Variants in MARCHF4 observed in about 807,000 individuals in gnomAD.
MARCHF4 encodes the protein membrane associated ring-CH-type finger 4.
A neutral mutation model predicts 43.9 loss-of-function variants in MARCHF4; 14 were observed. The observed-to-expected ratio is 0.32, with a 90% confidence interval of 0.21 to 0.50. The LOEUF is 0.50. Among genes scored for constraint, MARCHF4 ranks in the 20% least tolerant of loss-of-function variants. The pLI is 0.98. For synonymous variants in MARCHF4, 226 were observed against 213.3 expected, an observed-to-expected ratio of 1.06 and a Z score of -0.52; for missense variants, 468 against 536.7, an observed-to-expected ratio of 0.87 and a Z score of 1.27.
At chr2:216,271,861 A>G (rs187528654) in intron 3 of MARCHF4, among the ~76,000 whole-genome samples, 2 of 151,754 alleles carry the variant, frequency 1.3e-5, no homozygotes, top group East Asian at 3.9e-4. Context: ...CACCATCATA[A>G]CTCACTGCAG....
intron 1 of MARCHF4, among the ~76,000 whole-genome samples, chr2:216,297,668 C>T (rs972656624): frequency 1.3e-5 from 2 of 152,174 alleles, no homozygotes; most frequent in African/African-American, 2.4e-5. Flanking sequence ...CATGTGCCAC[C>T]ACACCCGCCT....
intron 1 of MARCHF4, among the ~76,000 whole-genome samples, chr2:216,335,833 C>T (rs376916918): frequency 5.9e-5 from 9 of 151,902 alleles, no homozygotes. Context: ...TTTGGGAAGC[C>T]GAGGCAGGTG....
intron 1 of MARCHF4, among the ~76,000 whole-genome samples, chr2:216,335,733 C>T (rs181296161): frequency 9.3e-4 from 141 of 152,128 alleles, no homozygotes; most frequent in African/African-American, 3.2e-3. Context: ...ATATGACAGA[C>T]ATTAATGATC....
At chr2:216,357,320 C>T (rs1182172326) in intron 1 of MARCHF4, among the ~76,000 whole-genome samples, 1 of 151,414 alleles carries the variant, frequency 6.6e-6, no homozygotes, top group African/African-American at 2.4e-5. Flanking sequence ...CACTTTTATA[C>T]ACACACACAC....
At chr2:216,312,975 T>C (rs907780730) in intron 1 of MARCHF4, among the ~76,000 whole-genome samples, 16 of 151,962 alleles carry the variant, frequency 1.1e-4, no homozygotes, top group Admixed American at 9.9e-4. Flanking sequence ...GTCCAGGGAG[T>C]TTTTTCTTGG....
intron 1 of MARCHF4, among the ~76,000 whole-genome samples, chr2:216,353,575 T>A (rs929510122): frequency 1.6e-4 from 24 of 152,082 alleles, no homozygotes; most frequent in African/African-American, 5.3e-4. Context: ...TGCGATGGAG[T>A]CTTACTCTGT....
At chr2:216,368,008 C>A (rs1441846933) in intron 1 of MARCHF4, among the ~76,000 whole-genome samples, 2 of 152,118 alleles carry the variant, frequency 1.3e-5, no homozygotes, top group Admixed American at 6.5e-5. Flanking sequence ...AGGCATGAAG[C>A]TATTTGAAAA....
chr2:216,340,110 C>A (rs552098454), intron 1 of MARCHF4, among the ~76,000 whole-genome samples: 3 of 152,208 alleles, frequency 2.0e-5, no homozygotes, highest in African/African-American at 7.2e-5. Flanking sequence ...TCGCCCCAAA[C>A]AAAAGAAACA....
intron 3 of MARCHF4, chr2:216,265,774 G>GT (rs1176587591): frequency 6.6e-5 from 10 of 152,306 alleles, no homozygotes; most frequent in African/African-American, 2.4e-4. Flanking sequence ...TTACAGGCAT[G>GT]AACCACTGAG....
At chr2:216,346,271 C>T (rs534023547) in intron 1 of MARCHF4, among the ~76,000 whole-genome samples, 39 of 147,972 alleles carry the variant, frequency 2.6e-4, no homozygotes, top group African/African-American at 8.7e-4. Flanking sequence ...CACCCACACA[C>T]GCACAGACAC....
intron 1 of MARCHF4, among the ~76,000 whole-genome samples, chr2:216,322,477 A>T (rs1691912450): frequency 6.6e-6 from 1 of 152,230 alleles, no homozygotes; most frequent in South Asian, 2.1e-4. Context: ...GTATGTGTGC[A>T]TACACACTTT....
At chr2:216,319,125 CG>C (rs1691836717) in intron 1 of MARCHF4, among the ~76,000 whole-genome samples, 1 of 151,980 alleles carries the variant, frequency 6.6e-6, no homozygotes, top group Admixed American at 6.6e-5. Context: ...CTGGCCAACA[CG>C]GTGAAACCCT....
At chr2:216,347,726 C>CA (rs1268330922) in intron 1 of MARCHF4, among the ~76,000 whole-genome samples, 50 of 136,688 alleles carry the variant, frequency 3.7e-4, no homozygotes, top group South Asian at 4.6e-4. Context: ...GACTCCGTCT[C>CA]AAAAAAAAAG....
chr2:216,276,082 T>C (rs1691017565), intron 3 of MARCHF4, among the ~76,000 whole-genome samples: 1 of 152,210 alleles, frequency 6.6e-6, no homozygotes, highest in Admixed American at 6.5e-5. Context: ...ATCTGTGGAA[T>C]TGTTTGTTAC....
At chr2:216,291,546 T>C (rs984738794) in intron 1 of MARCHF4, among the ~76,000 whole-genome samples, 9 of 151,984 alleles carry the variant, frequency 5.9e-5, no homozygotes, top group African/African-American at 2.2e-4. Context: ...GGGAGGAGGG[T>C]AGTAAGAGAC....
chr2:216,274,473 C>G (rs1690990740), intron 3 of MARCHF4, among the ~76,000 whole-genome samples: 1 of 152,136 alleles, frequency 6.6e-6, no homozygotes, highest in Non-Finnish European at 1.5e-5. Flanking sequence ...ATTTTTGCAC[C>G]AAATTGTGCA....
intron 1 of MARCHF4, among the ~76,000 whole-genome samples, chr2:216,338,272 C>G (rs1425348203): frequency 1.3e-5 from 2 of 152,170 alleles, no homozygotes; most frequent in Non-Finnish European, 2.9e-5. Flanking sequence ...CTTGCCTTGT[C>G]CTCTTCTGCT....
chr2:216,268,267 T>C (rs1434009216), intron 3 of MARCHF4, among the ~76,000 whole-genome samples: 1 of 152,162 alleles, frequency 6.6e-6, no homozygotes, highest in Non-Finnish European at 1.5e-5. Context: ...AGGAACTAAC[T>C]GTAGAGAGAG....
chr2:216,259,956 A>C (rs1277482373), intron 3 of MARCHF4, among the ~76,000 whole-genome samples: 1 of 152,120 alleles, frequency 6.6e-6, no homozygotes, highest in South Asian at 2.1e-4. Context: ...ACAAAATCCA[A>C]ATTCATCCAC....
Sources: gnomAD v4.1 joint callset for allele counts (sites outside exome capture counted in the v4.1 genomes callset) on GRCh38, gnomAD v4.1.1 for gene constraint, MANE v1.5 for transcripts, NCBI Gene and HGNC (gene_info 2026-07-23, HGNC 2026-07-21) for gene names.